KLHL1: variants seen among roughly 807,000 people sequenced by gnomAD.
The protein encoded by KLHL1 is kelch-like protein 1.
A neutral mutation model predicts 77.7 loss-of-function variants in KLHL1; 47 were observed. The ratio of observed to expected loss-of-function variants is 0.60; its 90% CI spans 0.48 to 0.77. The LOEUF is 0.77. Among genes scored for constraint, KLHL1 ranks in the 30% least tolerant of loss-of-function variants. The pLI is 0.00. For synonymous variants in KLHL1, 360 were observed against 325.2 expected (o/e 1.11, Z -1.15); for missense variants, 925 against 910.8 (o/e 1.02, Z -0.20).
chr13:70,075,754 C>CAT (rs1359904707), intron 1 of KLHL1, among the ~76,000 whole-genome samples: 4 of 75,192 alleles, frequency 5.3e-5, no homozygotes, highest in African/African-American at 1.6e-4. Flanking sequence ...TACACACATA[C>CAT]ACACACATAT....
chr13:69,893,426 G>A (rs979574480), intron 4 of KLHL1, among the ~76,000 whole-genome samples: 4 of 151,830 alleles, frequency 2.6e-5, no homozygotes, highest in African/African-American at 9.7e-5. Context: ...AGTAGAGACG[G>A]GGTTTCACCT....
chr13:70,101,529 A>G (rs1356494077), intron 1 of KLHL1, among the ~76,000 whole-genome samples: 3 of 152,094 alleles, frequency 2.0e-5, no homozygotes, highest in Non-Finnish European at 4.4e-5. Flanking sequence ...CCAGGGTTCA[A>G]GCAATTATCC....
At chr13:70,023,750 G>C (rs1230131664) in intron 1 of KLHL1, among the ~76,000 whole-genome samples, 2 of 151,830 alleles carry the variant, frequency 1.3e-5, no homozygotes, top group Non-Finnish European at 2.9e-5. Flanking sequence ...TCTCATGGTT[G>C]TTTTCTAGCT....
chr13:69,925,829 A>T (rs1882797578), intron 4 of KLHL1, among the ~76,000 whole-genome samples: 1 of 152,210 alleles, frequency 6.6e-6, no homozygotes, highest in Non-Finnish European at 1.5e-5. Context: ...TAAATATGAG[A>T]TAAATAATTT....
At chr13:69,909,275 T>G (rs566721148) in intron 4 of KLHL1, among the ~76,000 whole-genome samples, 2 of 151,880 alleles carry the variant, frequency 1.3e-5, no homozygotes, top group Non-Finnish European at 2.9e-5. Flanking sequence ...TTGCACAGAA[T>G]AAGCACACTT....
At chr13:69,829,879 A>C (rs1404099333) in intron 6 of KLHL1, among the ~76,000 whole-genome samples, 4 of 150,206 alleles carry the variant, frequency 2.7e-5, no homozygotes, top group Non-Finnish European at 5.9e-5. Flanking sequence ...AAGATATAAT[A>C]ATATTTAGAC....
chr13:70,080,869 G>A (rs927090352), intron 1 of KLHL1, among the ~76,000 whole-genome samples: 2 of 152,084 alleles, frequency 1.3e-5, no homozygotes, highest in African/African-American at 4.8e-5. Flanking sequence ...CCAAAGTGCT[G>A]GGACGTGAGC....
At chr13:69,864,815 T>C (rs748118178) in intron 5 of KLHL1, among the ~76,000 whole-genome samples, 28 of 152,164 alleles carry the variant, frequency 1.8e-4, no homozygotes, top group Non-Finnish European at 3.5e-4. Flanking sequence ...CACATACCTC[T>C]AAATGATCTA....
intron 1 of KLHL1, among the ~76,000 whole-genome samples, chr13:69,985,187 G>T (rs898641106): frequency 2.0e-5 from 3 of 151,986 alleles, no homozygotes; most frequent in African/African-American, 7.2e-5. Flanking sequence ...TGAAGAGACA[G>T]CTTACCGTGT....
chr13:69,733,904 C>A (rs1255190494), intron 8 of KLHL1, among the ~76,000 whole-genome samples: 1 of 152,136 alleles, frequency 6.6e-6, no homozygotes, highest in African/African-American at 2.4e-5. Context: ...ATATTCATAA[C>A]TGCATTATTC....
At chr13:70,043,485 C>T (rs1158757227) in intron 1 of KLHL1, among the ~76,000 whole-genome samples, 1 of 152,146 alleles carries the variant, frequency 6.6e-6, no homozygotes, top group Non-Finnish European at 1.5e-5. Context: ...CAGTAATGTT[C>T]TTGGCCTTCA....
intron 7 of KLHL1, among the ~76,000 whole-genome samples, chr13:69,763,983 T>C (rs1875146688): frequency 6.6e-6 from 1 of 152,172 alleles, no homozygotes; most frequent in Non-Finnish European, 1.5e-5. Flanking sequence ...AACGCTCTGC[T>C]CTATTGCCTA....
intron 1 of KLHL1, among the ~76,000 whole-genome samples, chr13:70,104,861 T>A (rs1251340800): frequency 6.6e-6 from 1 of 152,124 alleles, no homozygotes; most frequent in Non-Finnish European, 1.5e-5. Flanking sequence ...AAATTTCCAT[T>A]CAGTATTTTA....
chr13:70,072,354 C>A (rs1887156345), intron 1 of KLHL1, among the ~76,000 whole-genome samples: 1 of 152,076 alleles, frequency 6.6e-6, no homozygotes, highest in Non-Finnish European at 1.5e-5. Context: ...GTGAATTCTA[C>A]TAAATAGTTA....
At chr13:70,098,521 A>T (rs1264578889) in intron 1 of KLHL1, among the ~76,000 whole-genome samples, 1 of 151,890 alleles carries the variant, frequency 6.6e-6, no homozygotes, top group Non-Finnish European at 1.5e-5. Flanking sequence ...AATTTAAAAA[A>T]ATAAGTAAAT....
intron 6 of KLHL1, among the ~76,000 whole-genome samples, chr13:69,823,337 A>C (rs1878415032): frequency 6.6e-6 from 1 of 152,164 alleles, no homozygotes; most frequent in African/African-American, 2.4e-5. Context: ...AAAGTTTATA[A>C]GTGTTATGCA....
intron 1 of KLHL1, among the ~76,000 whole-genome samples, chr13:70,070,935 G>A (rs1338819286): frequency 6.6e-6 from 1 of 151,654 alleles, no homozygotes; most frequent in Non-Finnish European, 1.5e-5. Context: ...ACTAATAGAG[G>A]AGAAAATTGA....
rs143721701 is a variant in KLHL1, at chr13:69,944,446, G to A, written c.818-4210C>T. ...TGATTGTGTTATGTATTATTTTGCC[G>A]TAACAATTCATAGCCATTTGTAAAA... On this transcript the variant is annotated intron_variant, in intron 3 of 10. Transcript: ENST00000377844. Among the ~76,000 whole-genome samples, 419 of 152,192 alleles carry A rather than the reference G, an allele frequency of 2.8e-3. 2 individuals are homozygous for A. The highest frequency in any genetic ancestry group is 0.014 in the South Asian group (68 of 4,828).
At chr13:70,015,439 G>A (rs777093642) in intron 1 of KLHL1, among the ~76,000 whole-genome samples, 4 of 152,232 alleles carry the variant, frequency 2.6e-5, no homozygotes, top group Non-Finnish European at 5.9e-5. Context: ...TTGTTATGCA[G>A]CACGTAACTG....
Sources: gnomAD v4.1 joint callset for allele counts (sites outside exome capture counted in the v4.1 genomes callset) on GRCh38, gnomAD v4.1.1 for gene constraint, MANE v1.5 for transcripts, NCBI Gene and HGNC (gene_info 2026-07-23, HGNC 2026-07-21) for gene names.